Variants in FRMD4A observed in about 807,000 individuals in gnomAD.
FRMD4A encodes the protein FERM domain containing 4A, also known as FERM domain-containing protein 4A.
FRMD4A carries 29 observed loss-of-function variants against 129.1 expected under a neutral mutation model. That is an observed-to-expected ratio of 0.22 (90% CI 0.17 to 0.31). FRMD4A has a LOEUF of 0.31. FRMD4A is among the 10% of genes least tolerant of loss of function. The pLI is 1.00. For missense variants in FRMD4A, 1,272 were observed against 1,375.8 expected (o/e 0.92, Z 1.19); for synonymous variants, 634 against 571.6 (o/e 1.11, Z -1.56).
At chr10:13,665,837 G>C (rs896820329) in intron 18 of FRMD4A, among the ~76,000 whole-genome samples, 3 of 152,230 alleles carry the variant, frequency 2.0e-5, no homozygotes, top group African/African-American at 4.8e-5. Flanking sequence ...CTAGCTCCTG[G>C]CTGCAGGTTC....
At chr10:13,701,247 G>T in intron 14 of FRMD4A, 93 bp downstream of exon 14, 21 of 1,189,500 alleles carry the variant, frequency 1.8e-5, no homozygotes, top group Non-Finnish European at 2.4e-5. Context: ...CCCGGGCAAG[G>T]GACATGGCGC....
At chr10:13,658,132 T>TAAAAAAA (rs565374030) in intron 21 of FRMD4A, among the ~76,000 whole-genome samples, 6 of 81,232 alleles carry the variant, frequency 7.4e-5, no homozygotes, top group Admixed American at 3.2e-4. Context: ...CTGTCTCTCT[T>TAAAAAAA]AAAAAAAAAA....
chr10:13,763,789 G>A (rs891403011), intron 6 of FRMD4A, among the ~76,000 whole-genome samples: 1 of 152,114 alleles, frequency 6.6e-6, no homozygotes, highest in Non-Finnish European at 1.5e-5. Context: ...AAGCTGGAGT[G>A]CAGTGGTGCG....
At chr10:13,875,560 C>G (rs576939194) in intron 2 of FRMD4A, among the ~76,000 whole-genome samples, 1 of 152,130 alleles carries the variant, frequency 6.6e-6, no homozygotes, top group Non-Finnish European at 1.5e-5. Context: ...AGCCCAGCAT[C>G]GGAATAAGGG....
intron 2 of FRMD4A, among the ~76,000 whole-genome samples, chr10:14,210,433 C>T (rs1482782695): frequency 6.6e-6 from 1 of 152,188 alleles, no homozygotes; most frequent in Non-Finnish European, 1.5e-5. Context: ...CCCAAACAGA[C>T]TAACATGCAA....
chr10:14,285,011 A>C (rs749452435), intron 2 of FRMD4A, among the ~76,000 whole-genome samples: 1 of 152,242 alleles, frequency 6.6e-6, no homozygotes, highest in Admixed American at 6.5e-5. Flanking sequence ...ATACGAAGAA[A>C]GTATACAGCC....
chr10:14,306,723 G>C (rs992378101), intron 2 of FRMD4A, among the ~76,000 whole-genome samples: 2 of 152,222 alleles, frequency 1.3e-5, no homozygotes, highest in Non-Finnish European at 2.9e-5. Flanking sequence ...TGACTCAGTG[G>C]ACATTCAGTG....
At chr10:14,323,647 C>T (rs1843151262) in intron 2 of FRMD4A, among the ~76,000 whole-genome samples, 1 of 152,146 alleles carries the variant, frequency 6.6e-6, no homozygotes. Flanking sequence ...TACAGCTCTT[C>T]CTTTTTTGGA....
At chr10:14,010,970 A>G (rs1228851188) in intron 2 of FRMD4A, among the ~76,000 whole-genome samples, 2 of 152,196 alleles carry the variant, frequency 1.3e-5, no homozygotes, top group African/African-American at 2.4e-5. Flanking sequence ...ATCAAAGGCT[A>G]CTTCCATGGA....
intron 2 of FRMD4A, among the ~76,000 whole-genome samples, chr10:14,095,568 A>G (rs968733564): frequency 1.3e-5 from 2 of 152,190 alleles, no homozygotes; most frequent in South Asian, 4.1e-4. Flanking sequence ...TTACATACGC[A>G]CTTCTAAACG....
intron 2 of FRMD4A, among the ~76,000 whole-genome samples, chr10:13,952,834 T>C (rs1166616861): frequency 1.3e-5 from 2 of 152,006 alleles, no homozygotes; most frequent in African/African-American, 4.8e-5. Flanking sequence ...GCTGGGACCA[T>C]GGTGCCCACC....
chr10:13,815,896 C>T (rs941801990), intron 3 of FRMD4A, among the ~76,000 whole-genome samples: 1 of 152,138 alleles, frequency 6.6e-6, no homozygotes, highest in Non-Finnish European at 1.5e-5. Flanking sequence ...ACCATGGAAG[C>T]CTTCTGGAGA....
intron 2 of FRMD4A, among the ~76,000 whole-genome samples, chr10:13,962,828 A>C (rs1412740795): frequency 1.3e-5 from 2 of 152,308 alleles, no homozygotes; most frequent in South Asian, 2.1e-4. Flanking sequence ...TGATGCAAAA[A>C]CTGGCAGCTA....
chr10:14,329,513 C>T (rs570659108), intron 2 of FRMD4A, among the ~76,000 whole-genome samples: 14 of 152,250 alleles, frequency 9.2e-5, no homozygotes, highest in African/African-American at 3.1e-4. Context: ...CCAAGGTTGG[C>T]CATCAATGGT....
At chr10:13,819,205 A>G (rs1005205130) in intron 3 of FRMD4A, among the ~76,000 whole-genome samples, 1 of 152,062 alleles carries the variant, frequency 6.6e-6, no homozygotes, top group African/African-American at 2.4e-5. Flanking sequence ...GGTATTTAAG[A>G]CCACCCTATG....
intron 2 of FRMD4A, among the ~76,000 whole-genome samples, chr10:14,105,449 T>C (rs1184621850): frequency 1.3e-5 from 2 of 152,132 alleles, no homozygotes; most frequent in Non-Finnish European, 2.9e-5. Context: ...CATTTCCATA[T>C]CTTCTCTCTA....
At chr10:14,165,790 G>C (rs1045284274) in intron 2 of FRMD4A, among the ~76,000 whole-genome samples, 10 of 152,128 alleles carry the variant, frequency 6.6e-5, no homozygotes, top group African/African-American at 2.4e-4. Context: ...GCTTATAAGT[G>C]GGAGATAAAC....
chr10:13,910,336 A>G (rs941223241), intron 2 of FRMD4A, among the ~76,000 whole-genome samples: 12 of 152,208 alleles, frequency 7.9e-5, no homozygotes, highest in African/African-American at 2.9e-4. Context: ...CAGCCTAGTT[A>G]TCTCAGCCCA....
intron 2 of FRMD4A, among the ~76,000 whole-genome samples, chr10:14,251,778 A>T (rs983566335): frequency 6.6e-5 from 10 of 152,222 alleles, no homozygotes; most frequent in African/African-American, 2.4e-4. Flanking sequence ...GGATGAACCC[A>T]GAGGCAAATT....
Sources: allele counts gnomAD v4.1 joint callset (sites outside exome capture counted in the v4.1 genomes callset), GRCh38; gene constraint gnomAD v4.1.1; transcripts MANE v1.5; gene names NCBI Gene and HGNC (gene_info 2026-07-23, HGNC 2026-07-21).